The following TARM1 variants were observed in gnomAD, a reference collection of about 807,000 sequenced individuals.
TARM1 encodes T cell-interacting, activating receptor on myeloid cells 1, also known as T-cell-interacting, activating receptor on myeloid cells protein 1.
TARM1 carries 24 observed loss-of-function variants against 30.4 expected under a neutral mutation model. The observed-to-expected ratio is 0.79, with a 90% CI of 0.57 to 1.11. The LOEUF is 1.11. Among genes scored for constraint, TARM1 ranks in the 50% least tolerant of loss-of-function variants. TARM1 has a pLI of 0.00. For synonymous variants in TARM1, 129 were observed against 138.9 expected (o/e 0.93, Z 0.50); for missense variants, 323 against 332.8 (o/e 0.97, Z 0.23).
At chr19:54,070,727 C>G (rs1187779234) in intron 4 of TARM1, among the ~76,000 whole-genome samples, 1 of 151,850 alleles carries the variant, frequency 6.6e-6, no homozygotes, top group Non-Finnish European at 1.5e-5. Flanking sequence ...ATTCTCCTGT[C>G]TCAGCCTCCC....
chr19:54,072,293 A>G (rs1244696786), intron 4 of TARM1, among the ~76,000 whole-genome samples: 1 of 152,172 alleles, frequency 6.6e-6, no homozygotes, highest in African/African-American at 2.4e-5. Context: ...GGCTTCATCC[A>G]GGCACCCGGC....
At chr19:54,080,131 G>GAA (rs2072073147) in intron 1 of TARM1, among the ~76,000 whole-genome samples, 581 of 55,254 alleles carry the variant, frequency 0.011, 106 homozygotes, top group Non-Finnish European at 0.02. Flanking sequence ...AAGGAAGGAA[G>GAA]GAAGGAAGAA....
chr19:54,073,271 G>A (rs2071855056), intron 4 of TARM1, among the ~76,000 whole-genome samples: 1 of 151,142 alleles, frequency 6.6e-6, no homozygotes, highest in South Asian at 2.1e-4. Flanking sequence ...TTAGCCGGAT[G>A]GGTGGTGCAG....
intron 4 of TARM1, among the ~76,000 whole-genome samples, chr19:54,070,572 T>C (rs2071787439): frequency 6.6e-6 from 1 of 151,560 alleles, no homozygotes; most frequent in South Asian, 2.1e-4. Context: ...CCACTTAATG[T>C]TTTCTAGCCA....
chr19:54,080,100 G>A (rs866677303), intron 1 of TARM1, among the ~76,000 whole-genome samples: 667 of 17,266 alleles, frequency 0.039, 35 homozygotes, highest in African/African-American at 0.18. Flanking sequence ...AGAAAGGAAG[G>A]AAGGAAGGAA....
chr19:54,073,565 C>T (rs1384616179), intron 4 of TARM1, among the ~76,000 whole-genome samples: 1 of 151,676 alleles, frequency 6.6e-6, no homozygotes, highest in Non-Finnish European at 1.5e-5. Context: ...AAGATCTTGG[C>T]TCACTGCAAC....
intron 1 of TARM1, among the ~76,000 whole-genome samples, chr19:54,080,133 A>AAAGAAAGAAAG (rs2072074008): frequency 1.6e-5 from 1 of 63,150 alleles, no homozygotes; most frequent in Non-Finnish European, 3.4e-5. Flanking sequence ...GGAAGGAAGG[A>AAAGAAAGAAAG]AGGAAGAAAG....
At chr19:54,072,366 G>A (rs1296857573) in intron 4 of TARM1, among the ~76,000 whole-genome samples, 1 of 152,124 alleles carries the variant, frequency 6.6e-6, no homozygotes, top group Non-Finnish European at 1.5e-5. Context: ...ACAGAGCTGA[G>A]GAAGCAGAGT....
intron 1 of TARM1, among the ~76,000 whole-genome samples, chr19:54,079,013 T>C (rs1217680183): frequency 6.6e-6 from 1 of 150,758 alleles, no homozygotes; most frequent in Non-Finnish European, 1.5e-5. Flanking sequence ...TCCCAGCACT[T>C]TGGGAGGCCG....
rs2071939699 is a variant in TARM1 at position 54,075,921 on chromosome 19, G to C, written c.35-3C>G. The C allele has an allele frequency of 6.4e-7, 1 of 1,551,172 alleles. No individual in the cohort carries two copies. Among genetic ancestry groups the C allele is most frequent in the Middle Eastern group, 1.7e-4 (1 of 5,992 alleles). On this transcript the variant is annotated splice_region_variant and splice_polypyrimidine_tract_variant and intron_variant, in intron 1 of 4. Coordinates refer to ENST00000432826, the MANE Select transcript of TARM1 (RefSeq NM_001135686.3). ...GTCTCCTTGGCCCACGCACAGTCCTGCAAGACAATCCTCCGTGAGCCAGAA... is the reference window on the plus strand; with the variant it reads ...GTCTCCTTGGCCCACGCACAGTCCTCCAAGACAATCCTCCGTGAGCCAGAA...
chr19:54,077,384 A>AG (rs2071983452), intron 1 of TARM1, among the ~76,000 whole-genome samples: 1 of 151,964 alleles, frequency 6.6e-6, no homozygotes, highest in Non-Finnish European at 1.5e-5. Context: ...GTTTCAGGAA[A>AG]GAAAAAAAAA....
chr19:54,080,655 G>T (rs2072108163), intron 1 of TARM1, among the ~76,000 whole-genome samples: 1 of 151,952 alleles, frequency 6.6e-6, no homozygotes, highest in African/African-American at 2.4e-5. Flanking sequence ...TTATCTATTT[G>T]ACACTAAATT....
chr19:54,080,155 GCA>G lies in TARM1; in HGVS notation c.34+1150_34+1151del, dbSNP rs2072080541. ...AGGAAGGAAGAAAGCAAGCAAGCAAGCAAGCAAGCAAGCAAGCAAGCAAGCAA... is the reference window on the plus strand; with the variant it reads ...AGGAAGGAAGAAAGCAAGCAAGCAAGAGCAAGCAAGCAAGCAAGCAAGCAA... On this transcript the variant is annotated intron_variant, in intron 1 of 4. Transcript: ENST00000432826. 1.9e-3 allele frequency among the ~76,000 whole-genome samples: 201 copies of G among 108,290 alleles called. 49 individuals carry two copies. The highest frequency in any genetic ancestry group is 1.9e-3 in the Non-Finnish European group (97 of 49,940). 71.0% of individuals were successfully genotyped at this position (108,290 alleles called of 152,430 possible).
At chr19:54,075,789 CAAA>C in intron 2 of TARM1, 91 bp downstream of exon 2, 1 of 1,162,406 alleles carries the variant, frequency 8.6e-7, no homozygotes, top group Non-Finnish European at 1.2e-6. Flanking sequence ...GAGACTCCGT[CAAA>C]AAAAAAAGAG....
At chr19:54,080,113 AAGGAAGGAAGGAAGG>A (rs2072068276) in intron 1 of TARM1, among the ~76,000 whole-genome samples, 1 of 31,402 alleles carries the variant, frequency 3.2e-5, no homozygotes, top group East Asian at 1.8e-3. Context: ...GGAAGGAAGG[AAGGAAGGAAGGAAGG>A]AAGGAAGGAA....
At chr19:54,070,834 A>G (rs931139365) in intron 4 of TARM1, among the ~76,000 whole-genome samples, 1 of 151,428 alleles carries the variant, frequency 6.6e-6, no homozygotes, top group Non-Finnish European at 1.5e-5. Context: ...CTGGTCTCGA[A>G]CTCCTGACCT....
chr19:54,080,140 A>AAGCAAGC (rs2072076392), intron 1 of TARM1, among the ~76,000 whole-genome samples: 2 of 80,218 alleles, frequency 2.5e-5, no homozygotes, highest in Non-Finnish European at 2.7e-5. Flanking sequence ...AGGAAGGAAG[A>AAGCAAGC]AAGCAAGCAA....
chr19:54,076,505 G>C (rs1181872612), intron 1 of TARM1: 3 of 372,226 alleles, frequency 8.1e-6, no homozygotes, highest in African/African-American at 6.4e-5. Flanking sequence ...TGGGATCACA[G>C]GCATGCGCCA....
At chr19:54,080,103 G>A (rs2072066657) in intron 1 of TARM1, among the ~76,000 whole-genome samples, 1 of 18,118 alleles carries the variant, frequency 5.5e-5, no homozygotes, top group African/African-American at 3.4e-4. Context: ...AAGGAAGGAA[G>A]GAAGGAAGGA....
Sources: gnomAD v4.1 joint callset for allele counts (sites outside exome capture counted in the v4.1 genomes callset) on GRCh38, gnomAD v4.1.1 for gene constraint, MANE v1.5 for transcripts, NCBI Gene and HGNC (gene_info 2026-07-23, HGNC 2026-07-21) for gene names.